The following PLXDC1 variants were observed in gnomAD, a reference collection of about 807,000 sequenced individuals.
PLXDC1 encodes plexin domain containing 1.
PLXDC1 carries 39 observed loss-of-function variants against 61.3 expected under a neutral mutation model. The ratio of observed to expected loss-of-function variants is 0.64; its 90% CI spans 0.49 to 0.83. The LOEUF is 0.83. Among genes scored for constraint, PLXDC1 ranks in the 40% least tolerant of loss-of-function variants. PLXDC1 has a pLI of 0.00. For synonymous variants in PLXDC1, 212 were observed against 254.5 expected (o/e 0.83, Z 1.59); for missense variants, 596 against 666.5 (o/e 0.89, Z 1.17).
At chr17:39,145,047 T>A (rs1053809053) in intron 1 of PLXDC1, among the ~76,000 whole-genome samples, 1 of 152,116 alleles carries the variant, frequency 6.6e-6, no homozygotes, top group African/African-American at 2.4e-5. Flanking sequence ...ACAGAACCAG[T>A]CCATGGCAGG....
At chr17:39,107,860 T>A in intron 5 of PLXDC1, 1 of 572,260 alleles carries the variant, frequency 1.7e-6, no homozygotes, top group Non-Finnish European at 3.1e-6. Flanking sequence ...CTGGTGAATG[T>A]AAGTAACAAT....
chr17:39,075,946 T>C (rs1396379956), intron 11 of PLXDC1, among the ~76,000 whole-genome samples: 1 of 151,584 alleles, frequency 6.6e-6, no homozygotes, highest in Non-Finnish European at 1.5e-5. Context: ...GGTGTGGTGG[T>C]GTGCACCTGT....
chr17:39,096,416 T>A (rs1910203757), intron 7 of PLXDC1, among the ~76,000 whole-genome samples: 1 of 152,132 alleles, frequency 6.6e-6, no homozygotes, highest in South Asian at 2.1e-4. Context: ...CTTTAAAGGA[T>A]CCTTTATCAG....
Position 39,072,451 on chromosome 17 carries a change from G to A in PLXDC1, c.1221C>T (p.Asp407=), listed in dbSNP as rs775564255. ...GAGGGCAGGCAGTTCTGTACTCACCGTCTCCTCCTGCATAGGGATTCAACT... is the reference window on the plus strand; with the variant it reads ...GAGGGCAGGCAGTTCTGTACTCACCATCTCCTCCTGCATAGGGATTCAACT... The part of the protein sequence containing the change: ...DTKLNPYAGG[D]GLQNNLSPKT... Residue 407 remains aspartate (D), a splice_region_variant and synonymous_variant, in exon 12 of 14, where the codon GAC becomes GAT. Transcript: ENST00000315392. The A allele has an allele frequency of 3.3e-5, 52 of 1,552,372 alleles. No homozygotes were observed. Among genetic ancestry groups the A allele is most frequent in the African/African-American group, 9.5e-5 (7 of 73,684 alleles).
At chr17:39,088,977 A>AAAAAAG (rs1909850640) in intron 7 of PLXDC1, among the ~76,000 whole-genome samples, 2 of 124,238 alleles carry the variant, frequency 1.6e-5, no homozygotes, top group African/African-American at 5.8e-5. Context: ...GAGAGAGAGA[A>AAAAAAG]AAAGAAAGAA....
intron 9 of PLXDC1, among the ~76,000 whole-genome samples, chr17:39,082,375 G>A (rs1339402141): frequency 6.6e-6 from 1 of 152,074 alleles, no homozygotes; most frequent in Non-Finnish European, 1.5e-5. Context: ...CAAACTCTTG[G>A]TTTGGTGAAA....
upstream of PLXDC1, chr17:39,152,841 T>C: frequency 2.0e-6 from 1 of 509,918 alleles, no homozygotes; most frequent in Non-Finnish European, 3.0e-6. Flanking sequence ...CTCTCTAATC[T>C]CTTAGAACGC....
At chr17:39,119,752 A>AT (rs554683599) in intron 2 of PLXDC1, among the ~76,000 whole-genome samples, 4 of 151,940 alleles carry the variant, frequency 2.6e-5, no homozygotes, top group East Asian at 3.9e-4. Context: ...CTCAAAAAAA[A>AT]TTTTTTTTTA....
At chr17:39,077,479 C>T (rs1461777950) in intron 11 of PLXDC1, among the ~76,000 whole-genome samples, 4 of 152,170 alleles carry the variant, frequency 2.6e-5, no homozygotes, top group African/African-American at 7.2e-5. Flanking sequence ...GTCAGGTGAT[C>T]ATACAGAAAA....
At chr17:39,138,396 A>C (rs1567773009) in intron 2 of PLXDC1, among the ~76,000 whole-genome samples, 1 of 152,236 alleles carries the variant, frequency 6.6e-6, no homozygotes, top group Middle Eastern at 3.2e-3. Flanking sequence ...CTGGATTAGA[A>C]GTGAACACTA....
intron 2 of PLXDC1, chr17:39,137,466 G>A (rs1474006322): frequency 6.6e-6 from 1 of 152,164 alleles, no homozygotes; most frequent in Non-Finnish European, 1.5e-5. Flanking sequence ...TGAGGTAGAA[G>A]AATCGCTTGA....
chr17:39,126,606 T>A (rs904196654), intron 2 of PLXDC1, among the ~76,000 whole-genome samples: 7 of 152,172 alleles, frequency 4.6e-5, no homozygotes, highest in African/African-American at 1.4e-4. Flanking sequence ...CTCTGGTGGC[T>A]GGAACCTATC....
chr17:39,067,548 T>G lies in PLXDC1; in HGVS notation c.*292A>C. ...CCCCTTAAACAAAAATGGAGTTAGT[T>G]ATGTTAGTTCTTCTGCTGTTTCATG... On this transcript the variant is annotated 3_prime_UTR_variant, in exon 14 of 14. Coordinates refer to ENST00000315392, the MANE Select transcript of PLXDC1 (RefSeq NM_020405.5). 3.5e-6 allele frequency: 1 copy of G among 283,352 alleles called. No individual in the cohort carries two copies. Among genetic ancestry groups the G allele is most frequent in the Non-Finnish European group, 6.6e-6 (1 of 151,120 alleles). 17.6% of individuals were successfully genotyped at this position (283,352 alleles called of 1,614,324 possible).
Position 39,151,379 on chromosome 17 carries a change from C to T in PLXDC1, c.59G>A (p.Ser20Asn), listed in dbSNP as rs1047564715. 7.7e-7 allele frequency: 1 copy of T among 1,291,942 alleles called. No homozygotes were observed. The highest frequency in any genetic ancestry group is 9.8e-7 in the Non-Finnish European group (1 of 1,018,934). The allele number at this position is 1,291,942 out of a possible 1,614,324, so 80.0% of individuals were successfully genotyped here. The change falls in exon 1 of 14, where the codon AGC becomes AAC. Residue 20 changes from serine to asparagine, a missense_variant. Coordinates refer to ENST00000315392, the MANE Select transcript of PLXDC1 (RefSeq NM_020405.5). The surrounding 1 kb of genome is among the most constrained non-coding windows in gnomAD (Gnocchi z 5.2). ...LVLREAARAL[S>N]PQPGAGHDEG... ...AGTCCTACCTGCTCCGGGCTGGGGGCTCAGCGCCCGGGCAGCCTCCCTGAG... is the reference window on the plus strand; with the variant it reads ...AGTCCTACCTGCTCCGGGCTGGGGGTTCAGCGCCCGGGCAGCCTCCCTGAG...
intron 2 of PLXDC1, among the ~76,000 whole-genome samples, chr17:39,110,578 G>T (rs1001259628): frequency 6.6e-6 from 1 of 152,232 alleles, no homozygotes; most frequent in African/African-American, 2.4e-5. Context: ...GGGCAGGCAG[G>T]TTCCCTTGGC....
In PLXDC1 at chr17:39,067,969, G is replaced by A. The variant is rs1013723628; in HGVS notation, c.1384-10C>T. ...AGTGGTGAGGTCTACGCTGCAGAAG[G>A]CACAGAGGCAAAGTCAGTGGGCATG... On this transcript the variant is annotated splice_polypyrimidine_tract_variant and intron_variant, in intron 13 of 13. Coordinates refer to ENST00000315392, the MANE Select transcript of PLXDC1 (RefSeq NM_020405.5). 1.9e-6 allele frequency: 3 copies of A among 1,612,802 alleles called. No individual in the cohort carries two copies. The highest frequency in any genetic ancestry group is 2.7e-5 in the African/African-American group (2 of 74,918).
In PLXDC1 at chr17:39,087,636, A is replaced by G. The variant is rs2143465399; in HGVS notation, c.878T>C (p.Met293Thr). The change falls in exon 8 of 14, where the codon ATG becomes ACG. Residue 293 changes from methionine to threonine, a missense_variant. Met to Thr is a moderately conservative substitution (Grantham distance 81). Coordinates refer to ENST00000315392, the MANE Select transcript of PLXDC1 (RefSeq NM_020405.5). ...CAATGGGGTGAACTCCACGGCCGAC[A>G]TGCTGGTGACCTTGCTGGGGTCCAG... The part of the protein sequence containing the change: ...IELDPSKVTS[M>T]SAVEFTPLPT... 1.2e-6 allele frequency: 2 copies of G among 1,614,122 alleles called. No homozygotes were observed. The highest frequency in any genetic ancestry group is 1.7e-6 in the Non-Finnish European group (2 of 1,179,992).
chr17:39,149,764 C>G (rs1352384821), intron 1 of PLXDC1, among the ~76,000 whole-genome samples: 1 of 152,162 alleles, frequency 6.6e-6, no homozygotes, highest in Admixed American at 6.5e-5. Context: ...CCAATTCCCC[C>G]TTCCCCAGCC....
At chr17:39,119,588 A>T (rs1911093974) in intron 2 of PLXDC1, among the ~76,000 whole-genome samples, 2 of 152,032 alleles carry the variant, frequency 1.3e-5, no homozygotes, top group African/African-American at 4.8e-5. Context: ...TCTACAAAAA[A>T]TACCAAAACT....
Sources: allele counts gnomAD v4.1 joint callset (sites outside exome capture counted in the v4.1 genomes callset), GRCh38; gene constraint gnomAD v4.1.1; non-coding constraint Gnocchi (gnomAD v3.1); transcripts MANE v1.5; gene names NCBI Gene and HGNC (gene_info 2026-07-23, HGNC 2026-07-21).